Variants in BICD1 observed in about 807,000 individuals in gnomAD.
BICD1 encodes protein bicaudal D homolog 1.
Under a neutral mutation model 92.5 loss-of-function variants are expected in BICD1, and 35 were observed. The ratio of observed to expected loss-of-function variants is 0.38; its 90% CI spans 0.29 to 0.50. The LOEUF (loss-of-function observed/expected upper bound fraction) is 0.50. BICD1 is among the 20% of genes least tolerant of loss of function. The pLI, the probability that BICD1 is intolerant of heterozygous loss-of-function variation, is 0.93. For synonymous variants in BICD1, 429 were observed against 465.1 expected, an observed-to-expected ratio of 0.92 and a Z score of 1.00; for missense variants, 950 against 1,189.8, an observed-to-expected ratio of 0.80 and a Z score of 2.97.
Position 32,328,687 on chromosome 12 carries a change from C to T in BICD1, c.2100+132C>T. On this transcript the variant is annotated intron_variant, in intron 5 of 9. Transcript: ENST00000652176. This position sits in a 1 kb window ranked among gnomAD's most constrained non-coding sequence, Gnocchi z 4.4. ...TTGGTAAGTGGATAAATAAAACTGT[C>T]CCAGTGCCAGATCAGAATGTCATAA... 1.6e-6 allele frequency: 2 copies of T among 1,228,300 alleles called. No homozygotes were observed. Among genetic ancestry groups the T allele is most frequent in the East Asian group, 2.4e-5 (1 of 41,092 alleles). 76.1% of individuals were successfully genotyped at this position (1,228,300 alleles called of 1,614,324 possible).
chr12:32,369,522 G>A (rs1939651500), intron 9 of BICD1, among the ~76,000 whole-genome samples: 1 of 152,282 alleles, frequency 6.6e-6, no homozygotes, highest in Admixed American at 6.5e-5. Context: ...AGTGGCAGCT[G>A]AAGCCCAAGT....
intron 1 of BICD1, among the ~76,000 whole-genome samples, chr12:32,165,597 AT>A (rs1199340076): frequency 6.6e-6 from 1 of 151,476 alleles, no homozygotes; most frequent in Non-Finnish European, 1.5e-5. Flanking sequence ...AGGCAAGATA[AT>A]TGCTTGAACC....
Position 32,337,419 on chromosome 12 carries a change from A to G in BICD1, c.2253-80A>G, listed in dbSNP as rs1938176687. The G allele has an allele frequency of 2.9e-6, 4 of 1,394,830 alleles. No homozygotes were observed. The highest frequency in any genetic ancestry group is 2.9e-6 in the Non-Finnish European group (3 of 1,017,962). The allele number at this position is 1,394,830 out of a possible 1,614,324, so 86.4% of individuals were successfully genotyped here. On this transcript the variant is annotated intron_variant, in intron 6 of 9. Transcript: ENST00000652176. The surrounding 1 kb of genome is among the most constrained non-coding windows in gnomAD (Gnocchi z 4.7). ...CTTCTAAATTTCTAAATTTCGGTCA[A>G]ATTTATTACTTTTCAGCTTAACTCC... is the stretch of plus-strand genomic sequence containing the variant.
At chr12:32,125,805 G>T (rs112658320) in intron 1 of BICD1, among the ~76,000 whole-genome samples, 36 of 151,990 alleles carry the variant, frequency 2.4e-4, no homozygotes, top group African/African-American at 7.5e-4. Flanking sequence ...ACTTTGGGAA[G>T]CCAAGGCAGG....
intron 8 of BICD1, among the ~76,000 whole-genome samples, chr12:32,362,560 G>A (rs540277531): frequency 6.6e-6 from 1 of 152,168 alleles, no homozygotes; most frequent in South Asian, 2.1e-4. Context: ...GAGAGCGCTG[G>A]TTGCCTTAAA....
At chr12:32,116,225 G>C (rs1162882333) in intron 1 of BICD1, among the ~76,000 whole-genome samples, 2 of 151,834 alleles carry the variant, frequency 1.3e-5, no homozygotes, top group African/African-American at 4.8e-5. Flanking sequence ...TGCATGTTCT[G>C]CTTATTTACT....
chr12:32,301,909 C>T (rs937348480), intron 3 of BICD1, among the ~76,000 whole-genome samples: 7 of 152,182 alleles, frequency 4.6e-5, no homozygotes, highest in South Asian at 2.1e-4. Flanking sequence ...TATTTTTAGA[C>T]GGAGTCTTGC....
chr12:32,367,482 GA>G (rs11351681), intron 8 of BICD1, 187 bp from the exon 9 acceptor site: 175,824 of 400,992 alleles, frequency 0.44, 22,238 homozygotes, highest in African/African-American at 0.56. Context: ...CTGTATTTAA[GA>G]AAAAAAAAAA....
intron 1 of BICD1, among the ~76,000 whole-genome samples, chr12:32,121,254 C>T (rs1252327730): frequency 6.6e-6 from 1 of 151,260 alleles, no homozygotes; most frequent in East Asian, 1.9e-4. Context: ...GCCACAGCAC[C>T]TGGCGTCCAT....
At chr12:32,165,302 T>C (rs1259618719) in intron 1 of BICD1, among the ~76,000 whole-genome samples, 1 of 151,946 alleles carries the variant, frequency 6.6e-6, no homozygotes, top group Non-Finnish European at 1.5e-5. Context: ...GATCACGAGG[T>C]CAGGAGATTG....
chr12:32,249,404 C>A (rs1313262899), intron 2 of BICD1, among the ~76,000 whole-genome samples: 2 of 152,170 alleles, frequency 1.3e-5, no homozygotes, highest in Non-Finnish European at 2.9e-5. Flanking sequence ...GATAAATGTA[C>A]TTCAAAGTAA....
intron 9 of BICD1, among the ~76,000 whole-genome samples, chr12:32,368,804 C>T (rs766385843): frequency 3.3e-5 from 5 of 151,970 alleles, no homozygotes; most frequent in Non-Finnish European, 7.4e-5. Flanking sequence ...AATCTCAGCA[C>T]TTTGGGAGGC....
chr12:32,252,077 T>C (rs1239623), intron 2 of BICD1, among the ~76,000 whole-genome samples: 3,613 of 32,750 alleles, frequency 0.11, 243 homozygotes, highest in East Asian at 0.36. Flanking sequence ...ATTTATAATA[T>C]ATATTTATAA....
intron 8 of BICD1, among the ~76,000 whole-genome samples, chr12:32,349,395 A>G (rs931262064): frequency 1.3e-5 from 2 of 152,208 alleles, no homozygotes; most frequent in Non-Finnish European, 2.9e-5. Context: ...GAAAGTCACA[A>G]TAGGTACCCA....
intron 2 of BICD1, among the ~76,000 whole-genome samples, chr12:32,250,194 G>A (rs1946490713): frequency 6.6e-6 from 1 of 152,150 alleles, no homozygotes; most frequent in South Asian, 2.1e-4. Flanking sequence ...AAGTGGTTGA[G>A]ATGGGCCATT....
chr12:32,266,857 CA>C (rs35590465), intron 2 of BICD1, among the ~76,000 whole-genome samples: 160 of 138,132 alleles, frequency 1.2e-3, no homozygotes, highest in Non-Finnish European at 1.4e-3. Context: ...GACTCTGTCT[CA>C]AAAAAAAAAA....
chr12:32,219,408 T>C lies in BICD1; in HGVS notation c.426+2949T>C, dbSNP rs537496251. On this transcript the variant is annotated intron_variant, in intron 2 of 9. Transcript: ENST00000652176. ...AATTGCTGAATTAGGTATTAGAAAA[T>C]CAATATTCTAGTCAGCTCTGCTGAA... Among the ~76,000 whole-genome samples the C allele has an allele frequency of 8.5e-5, 13 of 152,290 alleles. No individual in the cohort carries two copies. The South Asian group carries it at 1.0e-3, about 12-fold the overall frequency.
chr12:32,206,633 C>G (rs547090868), intron 1 of BICD1, among the ~76,000 whole-genome samples: 1 of 152,260 alleles, frequency 6.6e-6, no homozygotes, highest in Admixed American at 6.5e-5. Context: ...AAAGAAAACT[C>G]TTCCTTCAGC....
At chr12:32,196,451 A>G (rs1289373843) in intron 1 of BICD1, among the ~76,000 whole-genome samples, 1 of 152,252 alleles carries the variant, frequency 6.6e-6, no homozygotes, top group Non-Finnish European at 1.5e-5. Flanking sequence ...TTATTTAGCC[A>G]TGAAGAAGGA....
Sources: allele counts gnomAD v4.1 joint callset (sites outside exome capture counted in the v4.1 genomes callset), GRCh38; gene constraint gnomAD v4.1.1; non-coding constraint Gnocchi (gnomAD v3.1); transcripts MANE v1.5; gene names NCBI Gene and HGNC (gene_info 2026-07-23, HGNC 2026-07-21).